SIGLEC10: variants seen among roughly 807,000 people sequenced by gnomAD.
The protein encoded by SIGLEC10 is sialic acid-binding Ig-like lectin 10.
A neutral mutation model predicts 68.3 loss-of-function variants in SIGLEC10; 45 were observed. The observed-to-expected ratio is 0.66, with a 90% CI of 0.52 to 0.84. The LOEUF (loss-of-function observed/expected upper bound fraction) is 0.84, where lower values mean the gene tolerates loss of function less well. Among genes scored for constraint, SIGLEC10 ranks in the 40% least tolerant of loss-of-function variants. The pLI is 0.00. For synonymous variants in SIGLEC10, 379 were observed against 370.8 expected, an observed-to-expected ratio of 1.02 and a Z score of -0.26; for missense variants, 789 against 883.1, an observed-to-expected ratio of 0.89 and a Z score of 1.35.
chr19:51,414,226 T>C lies in SIGLEC10; in HGVS notation c.1709+196A>G. 1 of 603,320 alleles carries C rather than the reference T, an allele frequency of 1.7e-6. No individual in the cohort carries two copies. 37.4% of individuals were successfully genotyped at this position (603,320 alleles called of 1,614,324 possible). The stretch of plus-strand genomic sequence containing the variant: ...CACTTCGCTTGGGGCGTGACTGCCC[T>C]CAGCATTCCCTCTGGGAAGCAGACG... On this transcript the variant is annotated intron_variant, in intron 9 of 10. Transcript: ENST00000339313. The surrounding 1 kb of genome is among the most constrained non-coding windows in gnomAD (Gnocchi z 4.1).
chr19:51,417,398 C>G lies in SIGLEC10; in HGVS notation c.105G>C (p.Leu35=). The G allele has an allele frequency of 6.2e-7, 1 of 1,614,212 alleles. No individual in the cohort carries two copies. Among genetic ancestry groups the G allele is most frequent in the South Asian group, 1.1e-5 (1 of 91,086 alleles). Residue 35 remains leucine, a synonymous_variant, in exon 2 of 11, where the codon CTG becomes CTC. Transcript: ENST00000339313. ...AGAAAGAGCAGGGCACAGAGATGCACAGGCCCTCCGGCACCATCACTGACT... is the reference window on the plus strand; with the variant it reads ...AGAAAGAGCAGGGCACAGAGATGCAGAGGCCCTCCGGCACCATCACTGACT... ...VQESVMVPEG[L]CISVPCSFSY...
intron 3 of SIGLEC10, 123 bp from the exon 4 acceptor site, chr19:51,416,480 G>C (rs1266677381): frequency 2.5e-6 from 4 of 1,599,536 alleles, no homozygotes; most frequent in Non-Finnish European, 3.4e-6. Context: ...CAGCGCCAGG[G>C]CTCACGTGTG....
In SIGLEC10 at chr19:51,416,707, T is replaced by G. The variant is rs1372889125; in HGVS notation, c.665A>C (p.Lys222Thr). The G allele has an allele frequency of 2.5e-6, 4 of 1,614,162 alleles. No homozygotes were observed. Among genetic ancestry groups the G allele is most frequent in the Non-Finnish European group, 3.4e-6 (4 of 1,180,030 alleles). Residue 222 changes from lysine (K) to threonine (T), a missense_variant, in exon 3 of 11, where the codon AAG becomes ACG. By Grantham distance (78) the Lys-to-Thr change is moderately conservative (BLOSUM62 -1). Transcript: ENST00000339313. ...DLTCHVDFSR[K>T]GVSAQRTVRL... ...GACGGTCCTCTGTGCGCTCACACCC[T>G]TTCTGGAGAAGTCCACATGGCAGGT...
intron 10 of SIGLEC10, among the ~76,000 whole-genome samples, chr19:51,413,213 C>T (rs1301658297): frequency 6.6e-6 from 1 of 152,106 alleles, no homozygotes; most frequent in East Asian, 1.9e-4. Flanking sequence ...ATTTAACACC[C>T]AGCATCATCC....
In SIGLEC10 at chr19:51,417,316, C is replaced by T; in HGVS notation, c.187G>A (p.Ala63Thr). 1.2e-6 allele frequency: 2 copies of T among 1,614,204 alleles called. No homozygotes were observed. The highest frequency in any genetic ancestry group is 1.7e-6 in the Non-Finnish European group (2 of 1,180,028). ...STPAYGYWFK[A>T]VTETTKGAPV... is the part of the protein sequence containing the mutation. ...GCACCCTTGGTTGTCTCAGTCACTG[C>T]TTTGAACCAGTAGCCATAAGCTGGG... is the stretch of plus-strand genomic sequence containing the variant. The change falls in exon 2 of 11, where the codon GCA (alanine) becomes ACA (threonine). Residue 63 changes from alanine to threonine, a missense_variant. Transcript: ENST00000339313.
chr19:51,416,390 G>A (rs1319292696), intron 3 of SIGLEC10, 33 bp from the exon 4 acceptor site: 2 of 1,614,064 alleles, frequency 1.2e-6, no homozygotes, highest in Non-Finnish European at 1.7e-6. Flanking sequence ...CTTCAGGGAG[G>A]GACAATTTAT....
intron 5 of SIGLEC10, 31 bp from the exon 6 acceptor site, chr19:51,415,646 C>T (rs761013820): frequency 2.7e-5 from 44 of 1,613,744 alleles, no homozygotes; most frequent in East Asian, 4.5e-5. Context: ...CGGCTCTAGA[C>T]GGACCAGGGG....
At position 51,410,954 on chromosome 19, in the gene SIGLEC10, G is replaced by A. The variant is rs1987936333; in HGVS notation, c.*145C>T. Reference sequence around the variant, plus strand: ...GTGAGCCACTGTGCCCTGGCCAGATGTTTTTTTAAAAGAGAGAGAAAGAGA... The same window carrying A: ...GTGAGCCACTGTGCCCTGGCCAGATATTTTTTTAAAAGAGAGAGAAAGAGA... On this transcript the variant is annotated 3_prime_UTR_variant, in exon 11 of 11. Transcript: ENST00000339313. 2.9e-6 allele frequency: 3 copies of A among 1,030,382 alleles called. No individual in the cohort carries two copies. The highest frequency in any genetic ancestry group is 4.2e-6 in the Non-Finnish European group (3 of 714,910). 63.8% of individuals were successfully genotyped at this position (1,030,382 alleles called of 1,614,324 possible). A position where few individuals can be genotyped will look rare whatever the true frequency, so the allele number is the denominator to read the frequency against.
rs367925682 is a variant in SIGLEC10 at position 51,410,974 on chromosome 19, AAG to A, written c.*123_*124del. The A allele has an allele frequency of 0.015, 14,103 of 951,736 alleles. 14 individuals are homozygous for A. Among genetic ancestry groups the A allele is most frequent in the African/African-American group, 0.02 (1,193 of 59,598 alleles). 59.0% of individuals were successfully genotyped at this position (951,736 alleles called of 1,614,324 possible). A position where few individuals can be genotyped will look rare whatever the true frequency, so the allele number is the denominator to read the frequency against. ...CAGATGTTTTTTTAAAAGAGAGAGA[AAG>A]AGAGAGAGAGAGAGAAAGAGAGAGA... On this transcript the variant is annotated 3_prime_UTR_variant, in exon 11 of 11. Coordinates refer to ENST00000339313, the MANE Select transcript of SIGLEC10 (RefSeq NM_033130.5).
At chr19:51,413,605 G>T in intron 10 of SIGLEC10, 107 bp downstream of exon 10, 1 of 954,808 alleles carries the variant, frequency 1.0e-6, no homozygotes, top group Non-Finnish European at 1.6e-6. Flanking sequence ...CAGAACTATC[G>T]GTGCTTTTCC....
rs75892481 is a variant in SIGLEC10 at position 51,414,611 on chromosome 19, G to C, written c.1616-96C>G. ...CATTAAGGCTTCCGGTTCCCATGGCGGACATTGTATCTGCAACCCCTCTGT... is the reference window on the plus strand; with the variant it reads ...CATTAAGGCTTCCGGTTCCCATGGCCGACATTGTATCTGCAACCCCTCTGT... On this transcript the variant is annotated intron_variant, in intron 8 of 10. Transcript: ENST00000339313. The surrounding 1 kb of genome is among the most constrained non-coding windows in gnomAD (Gnocchi z 4.1). The C allele has an allele frequency of 1.9e-4, 266 of 1,407,380 alleles. 3 individuals carry two copies. The African/African-American group carries it at 3.6e-3, about 19-fold the overall frequency. 87.2% of individuals were successfully genotyped at this position (1,407,380 alleles called of 1,614,324 possible).
rs746624501 is a variant in SIGLEC10, at chr19:51,417,077, C to T, written c.421+5G>A. The stretch of plus-strand genomic sequence containing the variant: ...AGAGGCAGGGGTTCCCACCCCATTC[C>T]ATACCTGTTACTTTTAGAAAGAACC... On this transcript the variant is annotated splice_donor_5th_base_variant and intron_variant, in intron 2 of 10. Transcript: ENST00000339313. 56 of 1,613,250 alleles carry T rather than the reference C, an allele frequency of 3.5e-5. No homozygotes were observed. The Admixed American group carries it at 9.3e-4, about 27-fold the overall frequency.
At position 51,417,244 on chromosome 19, in the gene SIGLEC10, G is replaced by C. The variant is rs201146870; in HGVS notation, c.259C>G (p.Arg87Gly). 5 of 1,614,086 alleles carry C rather than the reference G, an allele frequency of 3.1e-6. No homozygotes were observed. The highest frequency in any genetic ancestry group is 3.4e-6 in the Non-Finnish European group (4 of 1,180,040). Residue 87 changes from arginine to glycine, a missense_variant, in exon 2 of 11, where the codon CGG becomes GGG. By Grantham distance (125) the Arg-to-Gly change is moderately radical. Transcript: ENST00000339313. ...TCCCCAGTGAGCTGGAATCGGCCCC[G>C]GGTGCTCATTTCCACCTCTCGACTC... ...HQSREVEMST[R>G]GRFQLTGDPA...
rs771691665 is a variant in SIGLEC10 at position 51,413,808 on chromosome 19, C to T, written c.1725G>A (p.Pro575=). Residue 575 remains proline (P), a synonymous_variant, in exon 10 of 11, where the codon CCG becomes CCA. Coordinates refer to ENST00000339313, the MANE Select transcript of SIGLEC10 (RefSeq NM_033130.5). ...GGGTTTCTGTCTGAGTCCGTCTCTT[C>T]GGTAGAATCTTCATGCTGAGGAAAT... ...CLALIIMKIL[P]KRRTQTETPR... 5.0e-6 allele frequency: 8 copies of T among 1,613,986 alleles called. No homozygotes were observed. Among genetic ancestry groups the T allele is most frequent in the African/African-American group, 4.0e-5 (3 of 74,906 alleles).
chr19:51,415,737 C>T (rs1159734340), intron 5 of SIGLEC10, 122 bp from the exon 6 acceptor site: 3 of 1,577,094 alleles, frequency 1.9e-6, no homozygotes, highest in African/African-American at 2.7e-5. Flanking sequence ...CAGAATCACC[C>T]ACTGAGTCCC....
rs112261231 is a variant in SIGLEC10, at chr19:51,410,851, G to A, written c.*248C>T. Reference sequence around the variant, plus strand: ...TTTAGTAGAGACGGGGTTTCACCAAGTTGGCCAGGCTGGTCTCGAACTCCC... The same window carrying A: ...TTTAGTAGAGACGGGGTTTCACCAAATTGGCCAGGCTGGTCTCGAACTCCC... On this transcript the variant is annotated 3_prime_UTR_variant, in exon 11 of 11. Coordinates refer to ENST00000339313, the MANE Select transcript of SIGLEC10 (RefSeq NM_033130.5). The A allele has an allele frequency of 0.018, 7,049 of 391,414 alleles. 399 individuals are homozygous for A. The highest frequency in any genetic ancestry group is 0.12 in the African/African-American group (6,033 of 49,944). 24.2% of individuals were successfully genotyped at this position (391,414 alleles called of 1,614,324 possible).
intron 10 of SIGLEC10, among the ~76,000 whole-genome samples, chr19:51,412,399 T>A (rs1988101389): frequency 6.6e-6 from 1 of 152,002 alleles, no homozygotes; most frequent in South Asian, 2.1e-4. Flanking sequence ...TGAAATATGA[T>A]TCTAAAGCTT....
intron 10 of SIGLEC10, among the ~76,000 whole-genome samples, chr19:51,413,109 A>G (rs1486897607): frequency 1.3e-5 from 2 of 152,200 alleles, no homozygotes; most frequent in African/African-American, 4.8e-5. Context: ...AGTCATCAGC[A>G]TAAGATGTTA....
At position 51,415,899 on chromosome 19, in the gene SIGLEC10, C is replaced by T; in HGVS notation, c.1023G>A (p.Gln341=). Residue 341 remains glutamine, a splice_region_variant and synonymous_variant, in exon 5 of 11, where the codon CAG becomes CAA. Transcript: ENST00000339313. ...SQQRALDLSV[Q]YPPENLRVMV... ...CAGGCCCCTGCTGGGCACACTCACA[C>T]TGCACAGAGAGGTCCAGGGCTCGCT... is the stretch of plus-strand genomic sequence containing the variant. 6.2e-7 allele frequency: 1 copy of T among 1,612,750 alleles called. No homozygotes were observed. Among genetic ancestry groups the T allele is most frequent in the Non-Finnish European group, 8.5e-7 (1 of 1,180,004 alleles).
Sources: gnomAD v4.1 joint callset for allele counts (sites outside exome capture counted in the v4.1 genomes callset) on GRCh38, gnomAD v4.1.1 for gene constraint, Gnocchi (gnomAD v3.1) non-coding constraint, MANE v1.5 for transcripts, NCBI Gene and HGNC (gene_info 2026-07-23, HGNC 2026-07-21) for gene names.